CREM: variants seen among roughly 807,000 people sequenced by gnomAD.
The protein encoded by CREM is cAMP-responsive element modulator.
In CREM, 13 loss-of-function variants were observed where a neutral mutation model predicts 37.3. The observed-to-expected ratio is 0.35, with a 90% confidence interval of 0.23 to 0.55. The LOEUF is 0.55. Among genes scored for constraint, CREM ranks in the 20% least tolerant of loss-of-function variants. The probability of loss-of-function intolerance (pLI) is 0.88; values close to 1 mark genes in which losing one functional copy is unlikely to be tolerated. For synonymous variants in CREM, 124 were observed against 120.2 expected, an observed-to-expected ratio of 1.03 and a Z score of -0.21; for missense variants, 296 against 362.3, an observed-to-expected ratio of 0.82 and a Z score of 1.49.
intron 3 of CREM, chr10:35,176,046 T>C (rs2094054559): frequency 6.6e-7 from 1 of 1,514,842 alleles, no homozygotes; most frequent in Non-Finnish European, 8.8e-7. Context: ...TCTTGAGCCA[T>C]TTTTTTCCTC....
At chr10:35,192,003 AGAT>A (rs1421169405) in intron 6 of CREM, among the ~76,000 whole-genome samples, 3 of 152,190 alleles carry the variant, frequency 2.0e-5, no homozygotes, top group African/African-American at 7.2e-5. Flanking sequence ...GTCACTGTGT[AGAT>A]TCTTCTGCCT....
chr10:35,188,185 T>C lies in CREM; in HGVS notation c.410-15T>C, dbSNP rs894013390. The C allele has an allele frequency of 6.3e-7, 1 of 1,595,024 alleles. No individual in the cohort carries two copies. On this transcript the variant is annotated splice_polypyrimidine_tract_variant and intron_variant, in intron 5 of 7. Transcript: ENST00000685392. ...TCTTGAAATTCTCTAATATTTCTTT[T>C]CTTTTTCTGTTAAGTTGCTATAGCC...
chr10:35,139,148 C>T (rs1294279977), intron 2 of CREM, among the ~76,000 whole-genome samples: 1 of 149,118 alleles, frequency 6.7e-6, no homozygotes, highest in Non-Finnish European at 1.5e-5. Flanking sequence ...TTTTGAGACA[C>T]AGTGTCACTG....
rs1002810073 is a variant in CREM at position 35,176,136 on chromosome 10, TCTC to T, written c.169-2750_169-2748del. 73 of 1,275,132 alleles carry T rather than the reference TCTC, an allele frequency of 5.7e-5. No homozygotes were observed. In the Middle Eastern group the frequency reaches 7.9e-4, roughly 14 times the overall value. The allele number at this position is 1,275,132 out of a possible 1,614,324, so 79.0% of individuals were successfully genotyped here. ...TTATTAGATATTTGGAGGAATCTCT[TCTC>T]CTTGCGTAAGGTGCTCTGTGTCCTG... On this transcript the variant is annotated intron_variant, in intron 3 of 7. Transcript: ENST00000685392.
chr10:35,197,402 T>G (rs1456826281), intron 6 of CREM, among the ~76,000 whole-genome samples: 1 of 150,722 alleles, frequency 6.6e-6, no homozygotes, highest in Admixed American at 6.6e-5. Flanking sequence ...AGTAATAAAT[T>G]TTATTTCATT....
chr10:35,133,196 A>T (rs2089771628), intron 1 of CREM, among the ~76,000 whole-genome samples: 1 of 152,142 alleles, frequency 6.6e-6, no homozygotes, highest in Admixed American at 6.6e-5. Context: ...TGGGTTTTTG[A>T]AAGTGGAGTA....
At chr10:35,187,128 ATTAATAT>A in intron 5 of CREM, among the ~76,000 whole-genome samples, 1 of 79,252 alleles carries the variant, frequency 1.3e-5, no homozygotes, top group Non-Finnish European at 2.2e-5. Context: ...ATATAAATAT[ATTAATAT>A]ATTAATATAT....
intron 3 of CREM, among the ~76,000 whole-genome samples, chr10:35,151,935 A>G (rs534999253): frequency 6.6e-6 from 1 of 152,316 alleles, no homozygotes; most frequent in South Asian, 2.1e-4. Context: ...ACTATCATAC[A>G]ATAGTATATG....
At chr10:35,185,033 C>CCATT (rs34576035) in intron 5 of CREM, among the ~76,000 whole-genome samples, 89,143 of 148,762 alleles carry the variant, frequency 0.6, 26,751 homozygotes, top group African/African-American at 0.62. Flanking sequence ...GAAATGATAG[C>CCATT]CATTCATTCA....
At chr10:35,161,821 C>T (rs551215353) in intron 3 of CREM, among the ~76,000 whole-genome samples, 16 of 152,192 alleles carry the variant, frequency 1.1e-4, no homozygotes, top group Admixed American at 2.6e-4. Flanking sequence ...TATACACTGA[C>T]GGTGGGAATG....
At chr10:35,201,025 C>T (rs1306971712) in intron 6 of CREM, among the ~76,000 whole-genome samples, 2 of 151,300 alleles carry the variant, frequency 1.3e-5, no homozygotes, top group African/African-American at 4.9e-5. Flanking sequence ...TCTTCCCAGT[C>T]TGATGAGAGT....
chr10:35,183,038 T>C (rs2094418166), intron 5 of CREM, among the ~76,000 whole-genome samples: 1 of 152,182 alleles, frequency 6.6e-6, no homozygotes, highest in Admixed American at 6.5e-5. Flanking sequence ...AAATTTCCTC[T>C]TGAAACAAAG....
chr10:35,203,263 C>T (rs1207759566), intron 6 of CREM, among the ~76,000 whole-genome samples: 1 of 152,082 alleles, frequency 6.6e-6, no homozygotes, highest in Non-Finnish European at 1.5e-5. Context: ...CCAGGCTGGT[C>T]TTGAACTCCT....
chr10:35,184,657 A>G (rs554030162), intron 5 of CREM, among the ~76,000 whole-genome samples: 35 of 152,260 alleles, frequency 2.3e-4, no homozygotes, highest in African/African-American at 8.4e-4. Flanking sequence ...TTCCATATCT[A>G]ATTATATAAT....
At chr10:35,210,356 T>G (rs561668307) in intron 7 of CREM, 2 of 152,300 alleles carry the variant, frequency 1.3e-5, no homozygotes, top group South Asian at 4.1e-4. Flanking sequence ...AAATGTTGGC[T>G]CTATTTATTG....
chr10:35,130,570 C>G (rs1389803099), intron 1 of CREM, among the ~76,000 whole-genome samples: 1 of 152,184 alleles, frequency 6.6e-6, no homozygotes, highest in East Asian at 1.9e-4. Flanking sequence ...TATAATGGAG[C>G]TGAAGAATTC....
rs761043447 is a variant in CREM at position 35,148,490 on chromosome 10, A to G, written c.167A>G (p.Gln56Arg). The change falls in exon 3 of 8, where the codon CAG (glutamine) becomes CGG (arginine). Residue 56 changes from glutamine to arginine, a missense_variant and splice_region_variant. Coordinates refer to ENST00000685392, the MANE Select transcript of CREM (RefSeq NM_183011.2). ...TGQNSIPALA[Q>R]VAAIAETDES... ...CAAAATTCAATCCCTGCTTTAGCTC[A>G]GGTAGGCAATAGGCAGGCACCGTTG... The G allele has an allele frequency of 6.2e-7, 1 of 1,610,454 alleles. No homozygotes were observed. The highest frequency in any genetic ancestry group is 1.1e-5 in the South Asian group (1 of 90,280).
intron 3 of CREM, among the ~76,000 whole-genome samples, chr10:35,165,367 C>T (rs915090221): frequency 3.3e-5 from 5 of 152,094 alleles, no homozygotes; most frequent in Admixed American, 6.5e-5. Context: ...ACCCAAACAC[C>T]TCCCACAAGG....
intron 3 of CREM, among the ~76,000 whole-genome samples, chr10:35,173,147 C>T (rs757006055): frequency 2.0e-5 from 3 of 152,144 alleles, no homozygotes; most frequent in Non-Finnish European, 4.4e-5. Context: ...CAAAATCTTA[C>T]GTGGGTAAGA....
Sources: allele counts gnomAD v4.1 joint callset (sites outside exome capture counted in the v4.1 genomes callset), GRCh38; gene constraint gnomAD v4.1.1; transcripts MANE v1.5; gene names NCBI Gene and HGNC (gene_info 2026-07-23, HGNC 2026-07-21).